Variants in CAPN13 observed in about 807,000 individuals in gnomAD.
CAPN13 encodes calpain 13, also known as calpain-13.
CAPN13 carries 90 observed loss-of-function variants against 98.4 expected under a neutral mutation model. That is an observed-to-expected ratio of 0.92 (90% confidence interval 0.77 to 1.09). The LOEUF (loss-of-function observed/expected upper bound fraction) is 1.09. Ranked by LOEUF, CAPN13 falls within the 50% of genes least tolerant of loss-of-function variation. The pLI is 0.00. For synonymous variants in CAPN13, 330 were observed against 305.5 expected (o/e 1.08, Z -0.84); for missense variants, 887 against 841.3 (o/e 1.05, Z -0.67).
chr2:30,800,224 T>A (rs1329349159), intron 1 of CAPN13, among the ~76,000 whole-genome samples: 4 of 148,958 alleles, frequency 2.7e-5, no homozygotes, highest in African/African-American at 1.0e-4. Flanking sequence ...ACCAGAGAAG[T>A]AAGTGCTCAG....
At chr2:30,758,997 A>C (rs1572830402) in intron 7 of CAPN13, among the ~76,000 whole-genome samples, 35 of 81,504 alleles carry the variant, frequency 4.3e-4, no homozygotes, top group East Asian at 8.0e-4. Flanking sequence ...CCTTGCCCCT[A>C]TCCTTTTCCC....
intron 5 of CAPN13, 125 bp from the exon 6 acceptor site, chr2:30,764,431 GC>G: frequency 1.0e-6 from 1 of 960,222 alleles, no homozygotes; most frequent in Non-Finnish European, 1.5e-6. Flanking sequence ...CCTGATCATG[GC>G]CACCCACCTC....
chr2:30,790,504 A>G (rs7585455), intron 1 of CAPN13, among the ~76,000 whole-genome samples: 21,366 of 152,170 alleles, frequency 0.14, 1,603 homozygotes, highest in Non-Finnish European at 0.16. Flanking sequence ...CTCATCAGTC[A>G]AGCTCAGAAT....
chr2:30,729,513 A>G (rs1231838106), intron 22 of CAPN13: 2 of 152,260 alleles, frequency 1.3e-5, no homozygotes, highest in Non-Finnish European at 2.9e-5. Flanking sequence ...ATACAATTGA[A>G]GAATCATTTT....
At chr2:30,724,121 C>A (rs2103475683) in intron 22 of CAPN13, among the ~76,000 whole-genome samples, 1 of 152,264 alleles carries the variant, frequency 6.6e-6, no homozygotes, top group East Asian at 1.9e-4. Context: ...TACATCTTCC[C>A]TCCTTCTGAT....
intron 21 of CAPN13, 77 bp downstream of exon 21, chr2:30,731,267 G>GA (rs1671075888): frequency 1.5e-6 from 2 of 1,350,932 alleles, no homozygotes; most frequent in Admixed American, 2.5e-5. Flanking sequence ...TCCTCAGGGA[G>GA]AAAAATGCCC....
At position 30,764,560 on chromosome 2, in the gene CAPN13, C is replaced by T. The variant is rs113927320; in HGVS notation, c.525-254G>A. On this transcript the variant is annotated intron_variant, in intron 5 of 22. Coordinates refer to ENST00000295055, the MANE Select transcript of CAPN13 (RefSeq NM_144575.3). ...ACAGTCCCATAAGTGGCAGCACTGACGAGAGGCTGGGAGTGCCTGTGCTGG... is the reference window on the plus strand; with the variant it reads ...ACAGTCCCATAAGTGGCAGCACTGATGAGAGGCTGGGAGTGCCTGTGCTGG... Among the ~76,000 whole-genome samples the T allele has an allele frequency of 8.8e-3, 1,342 of 152,286 alleles. 12 individuals are homozygous for T. Among genetic ancestry groups the T allele is most frequent in the African/African-American group, 0.026 (1,071 of 41,548 alleles).
Position 30,763,159 on chromosome 2 carries a change from T to C in CAPN13, c.700-3A>G. 6.2e-7 allele frequency: 1 copy of C among 1,610,036 alleles called. No individual in the cohort carries two copies. The highest frequency in any genetic ancestry group is 1.7e-5 in the Admixed American group (1 of 59,746). ...ATCGCCTGTGCTGTATCTGTTGGCTTCAAGGCAGAAAAGCAGATCAAACAT... is the reference window on the plus strand; with the variant it reads ...ATCGCCTGTGCTGTATCTGTTGGCTCCAAGGCAGAAAAGCAGATCAAACAT... On this transcript the variant is annotated splice_region_variant and splice_polypyrimidine_tract_variant and intron_variant, in intron 6 of 22. Coordinates refer to ENST00000295055, the MANE Select transcript of CAPN13 (RefSeq NM_144575.3).
intron 15 of CAPN13, chr2:30,741,682 C>T (rs1318103798): frequency 3.6e-6 from 5 of 1,394,202 alleles, no homozygotes; most frequent in Non-Finnish European, 3.7e-6. Context: ...CTAAGCTCTG[C>T]ATTCCAGCTT....
At chr2:30,752,569 C>G (rs1267661478) in intron 10 of CAPN13, among the ~76,000 whole-genome samples, 1 of 152,142 alleles carries the variant, frequency 6.6e-6, no homozygotes, top group Admixed American at 6.5e-5. Context: ...AGGTAGTGCT[C>G]TCTAGGCTCA....
intron 22 of CAPN13, among the ~76,000 whole-genome samples, chr2:30,727,298 G>A (rs1670890590): frequency 6.6e-6 from 1 of 152,040 alleles, no homozygotes; most frequent in Non-Finnish European, 1.5e-5. Context: ...TGTGACAAAA[G>A]AAAACAATAG....
At chr2:30,797,840 C>T (rs1674965516) in intron 1 of CAPN13, among the ~76,000 whole-genome samples, 1 of 152,244 alleles carries the variant, frequency 6.6e-6, no homozygotes, top group East Asian at 1.9e-4. Context: ...ATGCTGTAGA[C>T]CAAGCTATCT....
At chr2:30,732,357 G>A (rs1558607414) in intron 20 of CAPN13, 81 bp downstream of exon 20, 5 of 1,571,130 alleles carry the variant, frequency 3.2e-6, no homozygotes, top group South Asian at 1.1e-5. Flanking sequence ...CAGACCTGGG[G>A]TGGGGTAGGG....
At chr2:30,731,426 C>T (rs778725790) in intron 20 of CAPN13, 27 bp from the exon 21 acceptor site, 8 of 1,597,416 alleles carry the variant, frequency 5.0e-6, no homozygotes, top group South Asian at 4.5e-5. Context: ...AAGGTTTTGA[C>T]TGACTGAGGA....
At chr2:30,765,869 G>A (rs780917442) in intron 5 of CAPN13, among the ~76,000 whole-genome samples, 1 of 152,208 alleles carries the variant, frequency 6.6e-6, no homozygotes, top group Non-Finnish European at 1.5e-5. Flanking sequence ...ATCTTGACTT[G>A]TTTTAAAACT....
chr2:30,727,703 G>C (rs1033226199), intron 22 of CAPN13, among the ~76,000 whole-genome samples: 1 of 152,190 alleles, frequency 6.6e-6, no homozygotes, highest in Non-Finnish European at 1.5e-5. Context: ...TTTGCAGCTG[G>C]TGGGAATGTA....
intron 15 of CAPN13, chr2:30,741,227 G>T: frequency 3.7e-6 from 1 of 269,782 alleles, no homozygotes; most frequent in Non-Finnish European, 5.7e-6. Context: ...GGCCCAGGCT[G>T]CTTCTGGGTG....
chr2:30,785,467 C>T (rs373549827), intron 2 of CAPN13, among the ~76,000 whole-genome samples: 1 of 152,114 alleles, frequency 6.6e-6, no homozygotes, highest in African/African-American at 2.4e-5. Context: ...TGTCCCCAGT[C>T]CCCCCAGTAG....
At chr2:30,788,044 C>T (rs896180409) in intron 1 of CAPN13, among the ~76,000 whole-genome samples, 1 of 151,882 alleles carries the variant, frequency 6.6e-6, no homozygotes, top group Non-Finnish European at 1.5e-5. Flanking sequence ...GGAGTGTGGA[C>T]AGATTTGGTG....
Sources: allele counts gnomAD v4.1 joint callset (sites outside exome capture counted in the v4.1 genomes callset), GRCh38; gene constraint gnomAD v4.1.1; transcripts MANE v1.5; gene names NCBI Gene and HGNC (gene_info 2026-07-23, HGNC 2026-07-21).